The following ZMYND11 variants were observed in gnomAD, a reference collection of about 807,000 sequenced individuals.
ZMYND11 encodes zinc finger MYND domain-containing protein 11.
A neutral mutation model predicts 84.9 loss-of-function variants in ZMYND11; 9 were observed. The ratio of observed to expected loss-of-function variants is 0.11; its 90% CI spans 0.06 to 0.18. The LOEUF is 0.18. Ranked by LOEUF, ZMYND11 falls within the 10% of genes least tolerant of loss-of-function variation. The probability of loss-of-function intolerance (pLI) is 1.00; values close to 1 mark genes in which losing one functional copy is unlikely to be tolerated. For synonymous variants in ZMYND11, 250 were observed against 244.1 expected (o/e 1.02, Z -0.23); for missense variants, 409 against 761.0 (o/e 0.54, Z 5.44).
intron 2 of ZMYND11, among the ~76,000 whole-genome samples, chr10:185,844 A>C (rs1003446367): frequency 1.3e-5 from 2 of 151,884 alleles, no homozygotes; most frequent in South Asian, 2.1e-4. Flanking sequence ...AAACAAAAAA[A>C]AAGACGGTTG....
chr10:153,186 A>T (rs1439592160), intron 1 of ZMYND11, among the ~76,000 whole-genome samples: 1 of 152,226 alleles, frequency 6.6e-6, no homozygotes, highest in Non-Finnish European at 1.5e-5. Context: ...TTTTTATCAG[A>T]TATGAAGTCT....
At chr10:164,648 G>T (rs1294518169) in intron 1 of ZMYND11, among the ~76,000 whole-genome samples, 1 of 152,140 alleles carries the variant, frequency 6.6e-6, no homozygotes, top group Non-Finnish European at 1.5e-5. Flanking sequence ...AAATCCACAC[G>T]TGGCCTCACC....
At chr10:207,581 G>A (rs1849908137) in intron 2 of ZMYND11, among the ~76,000 whole-genome samples, 2 of 152,248 alleles carry the variant, frequency 1.3e-5, no homozygotes, top group Admixed American at 6.5e-5. Context: ...GCATTTCTCT[G>A]ATGGCAAGGA....
Position 186,472 on chromosome 10 carries a change from C to A in ZMYND11, c.116+6344C>A, listed in dbSNP as rs957006113. On this transcript the variant is annotated intron_variant, in intron 2 of 14. Coordinates refer to ENST00000381604, the MANE Select transcript of ZMYND11 (RefSeq NM_001370100.5). Reference sequence around the variant, plus strand: ...CCTGGCCAACATAGTGAAACCCTGTCCCTACTAAAAATACAAAAATTAGCT... The same window carrying A: ...CCTGGCCAACATAGTGAAACCCTGTACCTACTAAAAATACAAAAATTAGCT... 2.6e-5 allele frequency among the ~76,000 whole-genome samples: 4 copies of A among 151,608 alleles called. 1 individual carries two copies. The East Asian group carries it at 5.9e-4, about 23-fold the overall frequency.
intron 1 of ZMYND11, among the ~76,000 whole-genome samples, chr10:175,009 C>T (rs1846276284): frequency 6.6e-6 from 1 of 151,464 alleles, no homozygotes; most frequent in African/African-American, 2.4e-5. Flanking sequence ...AACCCATGGG[C>T]ACTACAGTGG....
chr10:231,157 A>C (rs891236146), intron 4 of ZMYND11, among the ~76,000 whole-genome samples: 3 of 152,274 alleles, frequency 2.0e-5, no homozygotes, highest in Admixed American at 2.0e-4. Context: ...AGAATTAAGT[A>C]GTCGAGACAG....
At chr10:249,698 C>T (rs1158825355) in intron 14 of ZMYND11, 1 of 985,396 alleles carries the variant, frequency 1.0e-6, no homozygotes, top group Non-Finnish European at 1.2e-6. Flanking sequence ...ACAGCCGCCA[C>T]AGTGCTCAGT....
intron 4 of ZMYND11, among the ~76,000 whole-genome samples, chr10:227,200 C>T (rs1053570884): frequency 5.3e-5 from 8 of 152,190 alleles, no homozygotes; most frequent in Non-Finnish European, 5.9e-5. Flanking sequence ...GCACTTGATT[C>T]TCTGACTCAT....
chr10:142,912 A>G (rs1368180191), intron 1 of ZMYND11, among the ~76,000 whole-genome samples: 1 of 152,212 alleles, frequency 6.6e-6, no homozygotes, highest in Non-Finnish European at 1.5e-5. Flanking sequence ...GGTAGCTCAC[A>G]TTAGGAAGAT....
At chr10:132,927 C>G (rs145899166), upstream of ZMYND11, among the ~76,000 whole-genome samples, 947 of 152,298 alleles carry the variant, frequency 6.2e-3, 5 homozygotes, top group Non-Finnish European at 9.1e-3. Flanking sequence ...AAGTAAAAAT[C>G]TGTCTGTATT....
intron 2 of ZMYND11, among the ~76,000 whole-genome samples, chr10:197,627 T>G (rs1474163333): frequency 6.6e-6 from 1 of 152,192 alleles, no homozygotes; most frequent in Non-Finnish European, 1.5e-5. Flanking sequence ...GCAAATCAGT[T>G]GCCTAGGTAA....
At chr10:137,413 A>T (rs117365965) in intron 1 of ZMYND11, among the ~76,000 whole-genome samples, 1 of 152,316 alleles carries the variant, frequency 6.6e-6, no homozygotes, top group Non-Finnish European at 1.5e-5. Flanking sequence ...GCTGAGTCAT[A>T]TGGAGGCAAG....
At chr10:249,774 T>C in intron 14 of ZMYND11, 1 of 984,602 alleles carries the variant, frequency 1.0e-6, no homozygotes, top group Non-Finnish European at 1.2e-6. Flanking sequence ...AATGACTATA[T>C]AAAGTTTTGT....
At chr10:175,061 G>A (rs556041672) in intron 1 of ZMYND11, among the ~76,000 whole-genome samples, 1 of 152,298 alleles carries the variant, frequency 6.6e-6, no homozygotes, top group East Asian at 1.9e-4. Flanking sequence ...CCCATGGAAT[G>A]TACAACACCA....
chr10:168,926 CG>C (rs1564306103), intron 1 of ZMYND11, among the ~76,000 whole-genome samples: 1 of 152,088 alleles, frequency 6.6e-6, no homozygotes, highest in East Asian at 1.9e-4. Context: ...GACCCAGTCA[CG>C]GGGGAGGGCT....
In ZMYND11 at chr10:233,806, A is replaced by G. The variant is rs141764457; in HGVS notation, c.439-3032A>G. On this transcript the variant is annotated intron_variant, in intron 4 of 14. Transcript: ENST00000381604. ...TATACCATTTAGTTTTGTGAAATTA[A>G]TTAAGGCACTCAGCATGAACTATAT... Among the ~76,000 whole-genome samples the G allele has an allele frequency of 2.0e-5, 3 of 152,338 alleles. No homozygotes were observed. In the East Asian group the frequency reaches 5.8e-4, roughly 29 times the overall value.
intron 1 of ZMYND11, among the ~76,000 whole-genome samples, chr10:176,898 G>A (rs1846752622): frequency 6.6e-6 from 1 of 152,176 alleles, no homozygotes; most frequent in Admixed American, 6.5e-5. Flanking sequence ...ACTGTGAGCA[G>A]TAATGCAATG....
chr10:166,244 A>C (rs1843993131), intron 1 of ZMYND11, among the ~76,000 whole-genome samples: 1 of 152,158 alleles, frequency 6.6e-6, no homozygotes, highest in African/African-American at 2.4e-5. Flanking sequence ...AAAATAGTTA[A>C]GTTATATTTT....
chr10:207,706 A>T (rs1425855055), intron 2 of ZMYND11, among the ~76,000 whole-genome samples: 1 of 152,234 alleles, frequency 6.6e-6, no homozygotes, highest in African/African-American at 2.4e-5. Context: ...AATATCGTGA[A>T]AATGGCCATA....
Sources: allele counts gnomAD v4.1 joint callset (sites outside exome capture counted in the v4.1 genomes callset), GRCh38; gene constraint gnomAD v4.1.1; transcripts MANE v1.5; gene names NCBI Gene and HGNC (gene_info 2026-07-23, HGNC 2026-07-21).